The following EPB41 variants were observed in gnomAD, a reference collection of about 807,000 sequenced individuals.
The protein encoded by EPB41 is protein 4.1.
EPB41 carries 65 observed loss-of-function variants against 108.0 expected under a neutral mutation model. The ratio of observed to expected loss-of-function variants is 0.60; its 90% CI spans 0.49 to 0.74. The LOEUF (loss-of-function observed/expected upper bound fraction) is 0.74, where lower values mean the gene tolerates loss of function less well. Among genes scored for constraint, EPB41 ranks in the 30% least tolerant of loss-of-function variants. The pLI is 0.00. For missense variants in EPB41, 875 were observed against 1,037.0 expected (o/e 0.84, Z 2.15); for synonymous variants, 336 against 358.9 (o/e 0.94, Z 0.72).
At chr1:29,024,094 T>A (rs2096682889) in intron 7 of EPB41, among the ~76,000 whole-genome samples, 1 of 152,004 alleles carries the variant, frequency 6.6e-6, no homozygotes, top group South Asian at 2.1e-4. Flanking sequence ...CCCAGCATTT[T>A]GGGAGGCCAA....
At chr1:28,919,565 G>A (rs1489923617) in intron 1 of EPB41, among the ~76,000 whole-genome samples, 1 of 151,958 alleles carries the variant, frequency 6.6e-6, no homozygotes, top group African/African-American at 2.4e-5. Context: ...CCGGGTTCAA[G>A]CGATTCTTCC....
chr1:28,962,887 G>T (rs1310974830), intron 1 of EPB41, among the ~76,000 whole-genome samples: 4 of 151,952 alleles, frequency 2.6e-5, no homozygotes, highest in Non-Finnish European at 4.4e-5. Flanking sequence ...GATTTTTATG[G>T]TTTTTTTAAT....
chr1:29,008,737 A>G (rs997282922), intron 4 of EPB41, among the ~76,000 whole-genome samples: 1 of 152,092 alleles, frequency 6.6e-6, no homozygotes, highest in Non-Finnish European at 1.5e-5. Flanking sequence ...CTCTCCCTCC[A>G]TGTCTGGTCC....
At chr1:29,100,371 A>G (rs1158427148) in intron 17 of EPB41, among the ~76,000 whole-genome samples, 1 of 102,332 alleles carries the variant, frequency 9.8e-6, no homozygotes, top group Non-Finnish European at 2.3e-5. Context: ...CTGAGGCAGG[A>G]GAATCGCTTG....
intron 18 of EPB41, 69 bp downstream of exon 18, chr1:29,109,506 A>G (rs1668438345): frequency 7.9e-7 from 1 of 1,272,876 alleles, no homozygotes; most frequent in African/African-American, 1.5e-5. Flanking sequence ...CCTCTCTGCA[A>G]GAAGGACCCT....
intron 1 of EPB41, among the ~76,000 whole-genome samples, chr1:28,951,589 C>T (rs1392793315): frequency 6.6e-6 from 1 of 152,214 alleles, no homozygotes; most frequent in African/African-American, 2.4e-5. Flanking sequence ...CGTGGTGGCT[C>T]ATGCCTGTAA....
intron 17 of EPB41, among the ~76,000 whole-genome samples, chr1:29,106,563 G>GT (rs1558324414): frequency 1.1e-4 from 4 of 37,144 alleles, no homozygotes; most frequent in African/African-American, 2.9e-4. Flanking sequence ...GAGTAGCTGG[G>GT]ATTTTTTTTT....
chr1:28,923,055 A>G (rs1021786871), intron 1 of EPB41, among the ~76,000 whole-genome samples: 7 of 151,102 alleles, frequency 4.6e-5, no homozygotes, highest in South Asian at 4.2e-4. Flanking sequence ...TCTGATAATC[A>G]GGTATGTGTA....
intron 4 of EPB41, among the ~76,000 whole-genome samples, chr1:29,003,039 G>A (rs1285915225): frequency 1.3e-5 from 2 of 152,044 alleles, no homozygotes; most frequent in African/African-American, 4.8e-5. Context: ...ATTTTTGTTT[G>A]GCCTGATCTG....
intron 13 of EPB41, 75 bp downstream of exon 13, chr1:29,058,720 C>T (rs866184427): frequency 6.5e-7 from 1 of 1,546,004 alleles, no homozygotes; most frequent in Non-Finnish European, 8.8e-7. Context: ...ACTCCCTTTT[C>T]CTTAAAAAAA....
intron 4 of EPB41, among the ~76,000 whole-genome samples, chr1:29,007,093 T>C (rs1383208461): frequency 2.0e-5 from 3 of 149,252 alleles, no homozygotes; most frequent in African/African-American, 7.6e-5. Flanking sequence ...TTCTCATTAC[T>C]GTATAATTTT....
chr1:29,026,446 G>A (rs190325169), intron 7 of EPB41, among the ~76,000 whole-genome samples: 1 of 152,248 alleles, frequency 6.6e-6, no homozygotes, highest in East Asian at 1.9e-4. Context: ...ACTCTACATT[G>A]TGTCAGAAGG....
At chr1:29,045,536 T>C (rs1011960158) in intron 11 of EPB41, among the ~76,000 whole-genome samples, 1 of 149,852 alleles carries the variant, frequency 6.7e-6, no homozygotes, top group African/African-American at 2.5e-5. Flanking sequence ...TTTTTTTTTT[T>C]TAGAGACAGG....
chr1:29,065,175 C>A lies in EPB41; in HGVS notation c.2184+17C>A. The A allele has an allele frequency of 4.5e-6, 7 of 1,554,790 alleles. No individual in the cohort carries two copies. Among genetic ancestry groups the A allele is most frequent in the Non-Finnish European group, 6.1e-6 (7 of 1,149,962 alleles). On this transcript the variant is annotated intron_variant, in intron 16 of 20. Coordinates refer to ENST00000343067, the MANE Select transcript of EPB41 (RefSeq NM_001376013.1). Reference sequence around the variant, plus strand: ...GGAGAAGGAGTGAGTACTTTGTCCACATGACCAATTGTGAAAATGGAGGGA... The same window carrying A: ...GGAGAAGGAGTGAGTACTTTGTCCAAATGACCAATTGTGAAAATGGAGGGA...
Position 28,887,470 on chromosome 1 carries a change from T to C in EPB41, c.-8+260T>C, listed in dbSNP as rs540076457. On this transcript the variant is annotated intron_variant, in intron 1 of 16. Transcript: ENST00000347529. This position sits in a 1 kb window ranked among gnomAD's most constrained non-coding sequence, Gnocchi z 4.9. ...GGGTCCGGGAGCTCGGATCCGGAGC[T>C]AGACACGTCCGGGTCCGGCCGGTCC... The C allele has an allele frequency of 1.0e-6, 1 of 985,112 alleles. No individual in the cohort carries two copies. Among genetic ancestry groups the C allele is most frequent in the Non-Finnish European group, 1.2e-6 (1 of 829,824 alleles). The allele number at this position is 985,112 out of a possible 1,614,324, so 61.0% of individuals were successfully genotyped here. A position where few individuals can be genotyped will look rare whatever the true frequency, so the allele number is the denominator to read the frequency against.
At chr1:28,988,107 A>G (rs2095911120) in intron 2 of EPB41, among the ~76,000 whole-genome samples, 1 of 152,178 alleles carries the variant, frequency 6.6e-6, no homozygotes, top group Non-Finnish European at 1.5e-5. Flanking sequence ...TACTAAAAGT[A>G]CAAAAATTAG....
intron 1 of EPB41, among the ~76,000 whole-genome samples, chr1:28,958,115 T>C (rs894328240): frequency 2.6e-5 from 4 of 152,176 alleles, no homozygotes; most frequent in Non-Finnish European, 5.9e-5. Context: ...TGCACCCTAC[T>C]TTTATTTATT....
intron 11 of EPB41, among the ~76,000 whole-genome samples, chr1:29,050,054 G>A (rs1202310135): frequency 6.6e-6 from 1 of 152,162 alleles, no homozygotes. Context: ...TGATATTATA[G>A]AGTTAATATC....
chr1:28,959,692 G>GTAGA (rs960606286), intron 1 of EPB41, among the ~76,000 whole-genome samples: 2 of 152,132 alleles, frequency 1.3e-5, no homozygotes, highest in African/African-American at 4.8e-5. Context: ...AAATGCAGAG[G>GTAGA]TAGAGGTAGA....
Sources: allele counts gnomAD v4.1 joint callset (sites outside exome capture counted in the v4.1 genomes callset), GRCh38; gene constraint gnomAD v4.1.1; non-coding constraint Gnocchi (gnomAD v3.1); transcripts MANE v1.5; gene names NCBI Gene and HGNC (gene_info 2026-07-23, HGNC 2026-07-21).